The following PTK2 variants were observed in gnomAD, a reference collection of about 807,000 sequenced individuals.
PTK2 encodes the protein protein tyrosine kinase 2, also known as focal adhesion kinase 1.
In PTK2, 45 loss-of-function variants were observed where a neutral mutation model predicts 150.1. That is an observed-to-expected ratio of 0.30 (90% confidence interval 0.24 to 0.38). The LOEUF is 0.38. Among genes scored for constraint, PTK2 ranks in the 10% least tolerant of loss-of-function variants. PTK2 has a pLI of 1.00. For missense variants in PTK2, 919 were observed against 1,307.3 expected (o/e 0.70, Z 4.58); for synonymous variants, 432 against 449.2 (o/e 0.96, Z 0.48).
intron 16 of PTK2, among the ~76,000 whole-genome samples, chr8:140,758,459 T>C (rs921015996): frequency 2.0e-5 from 3 of 152,130 alleles, no homozygotes; most frequent in African/African-American, 4.8e-5. Flanking sequence ...GCAGGGCCTT[T>C]CGCAGGTATC....
rs2100030092 is a variant in PTK2, at chr8:140,701,027, A to G, written c.2368-5T>C. On this transcript the variant is annotated splice_region_variant and splice_polypyrimidine_tract_variant and intron_variant, in intron 25 of 31. Transcript: ENST00000522684. ...CAGGTCCAATACTGTAGAGTCCTGG[A>G]AGAAGGGTTGAAAACAGCATATTCA... 2 of 1,613,054 alleles carry G rather than the reference A, an allele frequency of 1.2e-6. No individual in the cohort carries two copies. Among genetic ancestry groups the G allele is most frequent in the East Asian group, 4.5e-5 (2 of 44,846 alleles).
At chr8:140,796,018 A>T (rs1198640126) in intron 12 of PTK2, among the ~76,000 whole-genome samples, 1 of 152,188 alleles carries the variant, frequency 6.6e-6, no homozygotes. Flanking sequence ...CATTTGCCAC[A>T]TATACTTCTC....
chr8:140,698,906 C>T (rs1042993696), intron 26 of PTK2, among the ~76,000 whole-genome samples: 2 of 150,310 alleles, frequency 1.3e-5, no homozygotes, highest in Non-Finnish European at 3.0e-5. Flanking sequence ...TGAGCCACTG[C>T]ACCTGCCTAA....
intron 7 of PTK2, among the ~76,000 whole-genome samples, chr8:140,834,444 A>G (rs957471739): frequency 2.0e-5 from 3 of 152,216 alleles, no homozygotes; most frequent in Non-Finnish European, 2.9e-5. Context: ...GTATATACAT[A>G]GCAGAGGGCT....
chr8:140,676,728 C>G (rs2100013993), intron 27 of PTK2, among the ~76,000 whole-genome samples: 1 of 128,304 alleles, frequency 7.8e-6, no homozygotes, highest in Non-Finnish European at 1.6e-5. Flanking sequence ...GAGGTTGAGA[C>G]CATCCTGGCT....
At chr8:140,805,862 T>C (rs1168347503) in intron 10 of PTK2, among the ~76,000 whole-genome samples, 3 of 152,196 alleles carry the variant, frequency 2.0e-5, no homozygotes, top group Non-Finnish European at 4.4e-5. Context: ...CTTAAAAAGG[T>C]ACAATACAAA....
intron 18 of PTK2, 187 bp downstream of exon 21, chr8:140,746,573 G>C: frequency 2.1e-6 from 1 of 477,744 alleles, no homozygotes; most frequent in Non-Finnish European, 3.7e-6. Flanking sequence ...ACTGCATAAG[G>C]GGATGCTTTG....
intron 24 of PTK2, among the ~76,000 whole-genome samples, chr8:140,705,615 T>C (rs2100033300): frequency 6.6e-6 from 1 of 152,236 alleles, no homozygotes; most frequent in African/African-American, 2.4e-5. Context: ...TAAAAGTTAA[T>C]AACTTTTTCT....
At chr8:140,780,446 C>G (rs1013139254) in intron 14 of PTK2, among the ~76,000 whole-genome samples, 2 of 151,944 alleles carry the variant, frequency 1.3e-5, no homozygotes, top group Non-Finnish European at 2.9e-5. Context: ...TCTTTAGGTT[C>G]TAACAAGCAG....
intron 16 of PTK2, among the ~76,000 whole-genome samples, chr8:140,758,229 C>T (rs751964266): frequency 2.0e-5 from 3 of 152,080 alleles, no homozygotes; most frequent in Non-Finnish European, 4.4e-5. Flanking sequence ...GCTGAGACTA[C>T]AGGTGTGCAC....
At chr8:140,799,110 G>A (rs931374673) in intron 12 of PTK2, 5 of 152,214 alleles carry the variant, frequency 3.3e-5, no homozygotes, top group Non-Finnish European at 7.3e-5. Context: ...GAAGGCTCAT[G>A]GCTTCAGCTG....
intron 26 of PTK2, among the ~76,000 whole-genome samples, chr8:140,693,665 C>T (rs372556533): frequency 9.1e-4 from 135 of 148,094 alleles, no homozygotes; most frequent in African/African-American, 2.8e-3. Flanking sequence ...CAAGAGCATC[C>T]GGGCTGCTAT....
chr8:140,972,284 A>G (rs2154609663), intron 1 of PTK2, among the ~76,000 whole-genome samples: 1 of 152,190 alleles, frequency 6.6e-6, no homozygotes, highest in South Asian at 2.1e-4. Flanking sequence ...AATTTTTTTT[A>G]GATGGAGTCT....
At chr8:140,977,971 T>A (rs2100189923) in intron 1 of PTK2, among the ~76,000 whole-genome samples, 1 of 152,192 alleles carries the variant, frequency 6.6e-6, no homozygotes. Context: ...TACAACTATC[T>A]GATCTTTGAC....
chr8:140,874,724 A>T (rs1179749470), intron 4 of PTK2, among the ~76,000 whole-genome samples: 3 of 152,230 alleles, frequency 2.0e-5, no homozygotes, highest in African/African-American at 7.2e-5. Context: ...GATGAACTAC[A>T]TCAAATGTCT....
intron 22 of PTK2, among the ~76,000 whole-genome samples, chr8:140,719,291 G>A (rs1186670133): frequency 6.6e-6 from 1 of 152,164 alleles, no homozygotes; most frequent in Non-Finnish European, 1.5e-5. Flanking sequence ...AGATGATCAT[G>A]GCTGAGCAAA....
Position 140,668,309 on chromosome 8 carries a change from A to G in PTK2, c.2825T>C (p.Ile942Thr), listed in dbSNP as rs1256814224. 7 of 1,614,036 alleles carry G rather than the reference A, an allele frequency of 4.3e-6. No individual in the cohort carries two copies. Among genetic ancestry groups the G allele is most frequent in the Non-Finnish European group, 5.9e-6 (7 of 1,180,010 alleles). ...ATACTCCTCTGGTGGGGCTGGCTGG[A>G]TTTTACTGGACATCTCGATGACAGC... Residue 942 changes from isoleucine (I) to threonine (T), a missense_variant, in exon 30 of 32, where the codon ATC (isoleucine) becomes ACC (threonine). By Grantham distance (89) the Ile-to-Thr change is moderately conservative (BLOSUM62 -1). Coordinates refer to ENST00000522684, the Ensembl canonical transcript of PTK2.
intron 8 of PTK2, among the ~76,000 whole-genome samples, chr8:140,819,752 C>T (rs2100107018): frequency 6.6e-6 from 1 of 152,178 alleles, no homozygotes; most frequent in East Asian, 1.9e-4. Flanking sequence ...GCAATGTACC[C>T]ATGAAGGAGA....
At chr8:140,790,178 G>A (rs2100087646) in intron 13 of PTK2, among the ~76,000 whole-genome samples, 1 of 152,168 alleles carries the variant, frequency 6.6e-6, no homozygotes, top group Admixed American at 6.5e-5. Context: ...GAAAAAAGGA[G>A]CCACACAGTC....
Sources: allele counts gnomAD v4.1 joint callset (sites outside exome capture counted in the v4.1 genomes callset), GRCh38; gene constraint gnomAD v4.1.1; transcripts MANE v1.5; gene names NCBI Gene and HGNC (gene_info 2026-07-23, HGNC 2026-07-21).